SND1: variants seen among roughly 807,000 people sequenced by gnomAD.
SND1 encodes the protein staphylococcal nuclease domain-containing protein 1.
In SND1, 38 loss-of-function variants were observed where a neutral mutation model predicts 121.7. The ratio of observed to expected loss-of-function variants is 0.31; its 90% CI spans 0.24 to 0.41. The LOEUF (loss-of-function observed/expected upper bound fraction) is 0.41. SND1 is among the 10% of genes least tolerant of loss of function. The probability of loss-of-function intolerance (pLI) is 1.00; values close to 1 mark genes in which losing one functional copy is unlikely to be tolerated. For missense variants in SND1, 868 were observed against 1,184.6 expected, an observed-to-expected ratio of 0.73 and a Z score of 3.92; for synonymous variants, 401 against 447.4, an observed-to-expected ratio of 0.90 and a Z score of 1.31.
Position 128,074,638 on chromosome 7 carries a change from A to G in SND1, c.1916A>G (p.Tyr639Cys), listed in dbSNP as rs1793475434. Reference sequence around the variant, plus strand: ...CACTTCACCGCCGAACGCAGCTCCTACTACAAGTCCCTGCTGTCTGCCGAG... The same window carrying G: ...CACTTCACCGCCGAACGCAGCTCCTGCTACAAGTCCCTGCTGTCTGCCGAG... ...KVHFTAERSS[Y>C]YKSLLSAEEA... The change falls in exon 17 of 24, where the codon TAC becomes TGC. Residue 639 changes from tyrosine to cysteine, a missense_variant. Coordinates refer to ENST00000354725, the MANE Select transcript of SND1 (RefSeq NM_014390.4). 9.9e-6 allele frequency: 16 copies of G among 1,613,858 alleles called. No homozygotes were observed. The highest frequency in any genetic ancestry group is 1.4e-5 in the Non-Finnish European group (16 of 1,179,964).
intron 13 of SND1, among the ~76,000 whole-genome samples, chr7:127,892,416 C>T (rs922437356): frequency 1.3e-5 from 2 of 152,126 alleles, no homozygotes; most frequent in African/African-American, 4.8e-5. Flanking sequence ...TAGAAACAAA[C>T]TCTACCACAT....
chr7:127,666,461 T>C (rs1795420423), intron 1 of SND1, among the ~76,000 whole-genome samples: 1 of 152,174 alleles, frequency 6.6e-6, no homozygotes. Context: ...TGGAAGTGGT[T>C]GATGGCACAA....
At chr7:127,740,463 C>A (rs1475791759) in intron 10 of SND1, among the ~76,000 whole-genome samples, 1 of 152,176 alleles carries the variant, frequency 6.6e-6, no homozygotes, top group African/African-American at 2.4e-5. Flanking sequence ...AGAATCACAG[C>A]AACTCATCTG....
intron 10 of SND1, among the ~76,000 whole-genome samples, chr7:127,802,164 C>G (rs912753011): frequency 2.0e-5 from 3 of 152,048 alleles, no homozygotes; most frequent in African/African-American, 7.2e-5. Flanking sequence ...TTTACTCCCC[C>G]CAAAATTCAA....
At chr7:127,857,800 A>C in intron 12 of SND1, 1 of 751,938 alleles carries the variant, frequency 1.3e-6, no homozygotes, top group East Asian at 2.5e-5. Context: ...GACCTCCTCC[A>C]CAAAGTTCAG....
intron 15 of SND1, among the ~76,000 whole-genome samples, chr7:127,981,978 C>T (rs1346096037): frequency 2.0e-5 from 3 of 152,204 alleles, no homozygotes; most frequent in Admixed American, 2.0e-4. Flanking sequence ...TTTCTCCTCT[C>T]TGGCATTCAT....
At chr7:127,805,610 G>A (rs1375797118) in intron 10 of SND1, among the ~76,000 whole-genome samples, 7 of 152,180 alleles carry the variant, frequency 4.6e-5, no homozygotes, top group African/African-American at 1.4e-4. Flanking sequence ...AGTTTGCATC[G>A]AGGAGGAAGC....
At chr7:127,950,622 ACTACAGTCC>A (rs1294818295) in intron 15 of SND1, among the ~76,000 whole-genome samples, 1 of 152,186 alleles carries the variant, frequency 6.6e-6, no homozygotes, top group Non-Finnish European at 1.5e-5. Flanking sequence ...ATGAAATGAA[ACTACAGTCC>A]TGTTACATTC....
chr7:127,990,139 G>A (rs1802488177), intron 15 of SND1, among the ~76,000 whole-genome samples: 1 of 152,154 alleles, frequency 6.6e-6, no homozygotes, highest in Non-Finnish European at 1.5e-5. Flanking sequence ...TATAGTAAAC[G>A]TCTCCATGTG....
chr7:128,035,220 A>G (rs984194588), intron 16 of SND1, among the ~76,000 whole-genome samples: 11 of 152,238 alleles, frequency 7.2e-5, no homozygotes, highest in African/African-American at 2.7e-4. Context: ...TTCCATTTAT[A>G]AAATCAAGGA....
chr7:127,685,317 AG>A (rs1795793692), intron 1 of SND1, among the ~76,000 whole-genome samples: 1 of 152,160 alleles, frequency 6.6e-6, no homozygotes, highest in Non-Finnish European at 1.5e-5. Context: ...CTTCCTCACA[AG>A]GATTATTCCT....
intron 16 of SND1, among the ~76,000 whole-genome samples, chr7:127,996,414 G>A (rs894645556): frequency 2.0e-5 from 3 of 151,956 alleles, no homozygotes; most frequent in Admixed American, 6.6e-5. Context: ...TTGTGCCCTC[G>A]GTCCTTTCCC....
intron 15 of SND1, among the ~76,000 whole-genome samples, chr7:127,983,160 G>A (rs1055503532): frequency 6.6e-6 from 1 of 152,074 alleles, no homozygotes; most frequent in African/African-American, 2.4e-5. Flanking sequence ...ATTTTGTTTT[G>A]TTTTTTGGTG....
intron 15 of SND1, among the ~76,000 whole-genome samples, chr7:127,951,185 AC>A (rs1801454688): frequency 6.6e-6 from 1 of 152,214 alleles, no homozygotes; most frequent in African/African-American, 2.4e-5. Flanking sequence ...CCATCTAGGA[AC>A]CAATGGATAA....
At chr7:128,030,377 C>G (rs962008221) in intron 16 of SND1, 30 of 1,613,848 alleles carry the variant, frequency 1.9e-5, no homozygotes, top group African/African-American at 4.0e-5. Context: ...CCTGGATCAT[C>G]TGGATGTTGT....
In SND1 at chr7:127,929,341, G is replaced by T; in HGVS notation, c.1669+12G>T. The T allele has an allele frequency of 6.2e-7, 1 of 1,613,762 alleles. No homozygotes were observed. The highest frequency in any genetic ancestry group is 8.5e-7 in the Non-Finnish European group (1 of 1,179,720). On this transcript the variant is annotated intron_variant, in intron 15 of 23. Transcript: ENST00000354725. ...CTTCTTGCTTGCAGGTAAGTCTTAT[G>T]TGTTACATGTTACTCTGAGCTCAGA...
intron 13 of SND1, among the ~76,000 whole-genome samples, chr7:127,891,290 A>G (rs1332526971): frequency 6.6e-6 from 1 of 152,110 alleles, no homozygotes; most frequent in Non-Finnish European, 1.5e-5. Context: ...GCGGGAATGC[A>G]GTGGCACAAT....
intron 13 of SND1, among the ~76,000 whole-genome samples, chr7:127,893,126 C>G (rs1563049986): frequency 6.6e-6 from 1 of 152,082 alleles, no homozygotes; most frequent in African/African-American, 2.4e-5. Context: ...TTACCGGGAC[C>G]CTTTTTACTT....
chr7:127,822,590 T>C (rs982061637), intron 11 of SND1, among the ~76,000 whole-genome samples: 3 of 152,160 alleles, frequency 2.0e-5, no homozygotes, highest in African/African-American at 7.2e-5. Flanking sequence ...TCTAAAAATG[T>C]TTTTTGAAAA....
Sources: gnomAD v4.1 joint callset for allele counts (sites outside exome capture counted in the v4.1 genomes callset) on GRCh38, gnomAD v4.1.1 for gene constraint, MANE v1.5 for transcripts, NCBI Gene and HGNC (gene_info 2026-07-23, HGNC 2026-07-21) for gene names.